EDAR: variants seen among roughly 807,000 people sequenced by gnomAD.
The protein encoded by EDAR is tumor necrosis factor receptor superfamily member EDAR.
A neutral mutation model predicts 51.3 loss-of-function variants in EDAR; 38 were observed. That is an observed-to-expected ratio of 0.74 (90% confidence interval 0.57 to 0.97). The LOEUF is 0.97. Among genes scored for constraint, EDAR ranks in the 50% least tolerant of loss-of-function variants. The pLI is 0.00. For synonymous variants in EDAR, 227 were observed against 242.1 expected (o/e 0.94, Z 0.58); for missense variants, 528 against 595.0 (o/e 0.89, Z 1.17).
intron 1 of EDAR, among the ~76,000 whole-genome samples, chr2:108,980,312 A>C (rs538259934): frequency 6.6e-6 from 1 of 152,234 alleles, no homozygotes; most frequent in Non-Finnish European, 1.5e-5. Flanking sequence ...AACCTCTGTG[A>C]AGGTGAGGAG....
At chr2:108,958,444 C>T (rs908005104) in intron 1 of EDAR, among the ~76,000 whole-genome samples, 1 of 152,026 alleles carries the variant, frequency 6.6e-6, no homozygotes, top group African/African-American at 2.4e-5. Context: ...CAAAAAAAAC[C>T]CCAGGGCAGT....
rs1393329815 is a variant in EDAR at position 108,910,796 on chromosome 2, T to G, written c.710A>C (p.Glu237Ala). The change falls in exon 8 of 12, where the codon GAG becomes GCG. Residue 237 changes from glutamate to alanine, a missense_variant. Glu to Ala is a moderately radical substitution (Grantham distance 107). Transcript: ENST00000258443. The part of the protein sequence containing the change: ...KSVEAQVSKD[E>A]EKKEAPDNVV... ...CAGACCTGGGGCCTCTTTCTTCTCCTCGTCCTTGCTCACTTGGGCCTCCAC... is the reference window on the plus strand; with the variant it reads ...CAGACCTGGGGCCTCTTTCTTCTCCGCGTCCTTGCTCACTTGGGCCTCCAC... 1.2e-6 allele frequency: 2 copies of G among 1,613,578 alleles called. No individual in the cohort carries two copies. The highest frequency in any genetic ancestry group is 3.3e-5 in the Admixed American group (2 of 60,008).
chr2:108,950,303 G>A (rs260698), intron 1 of EDAR, among the ~76,000 whole-genome samples: 44,681 of 149,328 alleles, frequency 0.3, 10,556 homozygotes, highest in East Asian at 0.94. Flanking sequence ...TTTGACAGGC[G>A]GGTCTCAGTC....
At chr2:108,907,207 T>G (rs1473485788) in intron 10 of EDAR, among the ~76,000 whole-genome samples, 1 of 152,058 alleles carries the variant, frequency 6.6e-6, no homozygotes. Context: ...AAAAACGTTG[T>G]GTGTGTGTGT....
At chr2:108,908,475 T>C (rs992446535) in intron 9 of EDAR, among the ~76,000 whole-genome samples, 5 of 152,128 alleles carry the variant, frequency 3.3e-5, no homozygotes, top group African/African-American at 1.2e-4. Context: ...TCTGGAGTCA[T>C]TGAAAAGGGA....
intron 1 of EDAR, among the ~76,000 whole-genome samples, chr2:108,965,639 G>A (rs1019346820): frequency 6.6e-6 from 1 of 151,964 alleles, no homozygotes; most frequent in African/African-American, 2.4e-5. Flanking sequence ...GTGTCTGTAT[G>A]CCTCCTTCCT....
At chr2:108,924,897 G>T (rs1437698762) in intron 4 of EDAR, among the ~76,000 whole-genome samples, 3 of 152,234 alleles carry the variant, frequency 2.0e-5, no homozygotes, top group Admixed American at 1.3e-4. Context: ...GGGCATGTGG[G>T]CCAGACCAGG....
At chr2:108,967,962 G>T (rs1698175842) in intron 1 of EDAR, among the ~76,000 whole-genome samples, 1 of 152,164 alleles carries the variant, frequency 6.6e-6, no homozygotes, top group African/African-American at 2.4e-5. Context: ...AGCCACAGGG[G>T]TAGAAAACAG....
intron 1 of EDAR, among the ~76,000 whole-genome samples, chr2:108,958,858 T>C (rs1429068793): frequency 3.1e-5 from 4 of 127,008 alleles, no homozygotes; most frequent in African/African-American, 1.5e-4. Context: ...TCCAGGCTCA[T>C]GGCTGGCTGG....
chr2:108,907,495 A>C (rs1696832529), intron 10 of EDAR, among the ~76,000 whole-genome samples: 1 of 152,054 alleles, frequency 6.6e-6, no homozygotes, highest in South Asian at 2.1e-4. Flanking sequence ...AAATATAAAA[A>C]AAATTAGCTG....
At chr2:108,941,812 C>T (rs889842728) in intron 1 of EDAR, among the ~76,000 whole-genome samples, 11 of 152,228 alleles carry the variant, frequency 7.2e-5, no homozygotes, top group Admixed American at 1.3e-4. Context: ...GCCCTCACTA[C>T]GCAAGGGCAC....
intron 4 of EDAR, among the ~76,000 whole-genome samples, chr2:108,925,442 C>A (rs1441406976): frequency 6.6e-6 from 1 of 152,158 alleles, no homozygotes. Context: ...AATGGGGCCA[C>A]TACATTTTGA....
chr2:108,957,058 G>A (rs1437091688), intron 1 of EDAR, among the ~76,000 whole-genome samples: 6 of 152,218 alleles, frequency 3.9e-5, no homozygotes, highest in Non-Finnish European at 8.8e-5. Context: ...CCAAAGTGCT[G>A]GAATTACAGG....
chr2:108,978,766 C>A (rs952325873), intron 1 of EDAR, among the ~76,000 whole-genome samples: 1 of 152,126 alleles, frequency 6.6e-6, no homozygotes, highest in Non-Finnish European at 1.5e-5. Context: ...GACAGTCTAT[C>A]GGTAAGCTGG....
intron 5 of EDAR, among the ~76,000 whole-genome samples, chr2:108,915,915 TAAATAA>T (rs1367638696): frequency 6.6e-6 from 1 of 151,430 alleles, no homozygotes; most frequent in African/African-American, 2.4e-5. Flanking sequence ...AAATAAAAAA[TAAATAA>T]AAATAAAAAA....
chr2:108,963,502 G>A (rs745538938), intron 1 of EDAR, among the ~76,000 whole-genome samples: 3 of 152,130 alleles, frequency 2.0e-5, no homozygotes, highest in African/African-American at 4.8e-5. Context: ...CCATGTCCCC[G>A]TTACCCAATG....
chr2:108,943,826 TGGATGC>T (rs1171396638), intron 1 of EDAR, among the ~76,000 whole-genome samples: 2 of 152,108 alleles, frequency 1.3e-5, no homozygotes, highest in African/African-American at 4.8e-5. Flanking sequence ...GGCAGAGGGC[TGGATGC>T]CAGCCCGGGG....
At chr2:108,926,186 G>A (rs1479403345) in intron 4 of EDAR, among the ~76,000 whole-genome samples, 1 of 152,194 alleles carries the variant, frequency 6.6e-6, no homozygotes, top group Non-Finnish European at 1.5e-5. Flanking sequence ...TCACCAACCC[G>A]AAATCAGGTG....
chr2:108,899,689 T>C (rs141024606), intron 11 of EDAR, among the ~76,000 whole-genome samples: 125 of 152,140 alleles, frequency 8.2e-4, no homozygotes, highest in African/African-American at 2.8e-3. Context: ...ACTGGCAAAA[T>C]AATAACACCA....
Sources: gnomAD v4.1 joint callset for allele counts (sites outside exome capture counted in the v4.1 genomes callset) on GRCh38, gnomAD v4.1.1 for gene constraint, MANE v1.5 for transcripts, NCBI Gene and HGNC (gene_info 2026-07-23, HGNC 2026-07-21) for gene names.